CSMD1: variants seen among roughly 807,000 people sequenced by gnomAD.
The protein encoded by CSMD1 is CUB and Sushi multiple domains 1.
CSMD1 carries 213 observed loss-of-function variants against 417.5 expected under a neutral mutation model. The observed-to-expected ratio is 0.51, with a 90% confidence interval of 0.46 to 0.57. The LOEUF (loss-of-function observed/expected upper bound fraction) is 0.57. Ranked by LOEUF, CSMD1 falls within the 20% of genes least tolerant of loss-of-function variation. The pLI is 0.00. For missense variants in CSMD1, 6,923 were observed against 4,529.7 expected (o/e 1.53, Z -15.17); for synonymous variants, 2,862 against 1,736.8 (o/e 1.65, Z -16.11).
At chr8:4,102,074 G>A (rs1056171372) in intron 3 of CSMD1, among the ~76,000 whole-genome samples, 2 of 152,242 alleles carry the variant, frequency 1.3e-5, no homozygotes, top group Middle Eastern at 3.4e-3. Flanking sequence ...AGTTTTACCT[G>A]CGCTGCACTA....
chr8:3,975,656 G>C (rs1171925909), intron 5 of CSMD1, among the ~76,000 whole-genome samples: 3 of 152,120 alleles, frequency 2.0e-5, no homozygotes, highest in African/African-American at 7.2e-5. Context: ...GTGCTTAATG[G>C]TCCCGATTCA....
chr8:3,526,862 T>C (rs1797774433), intron 10 of CSMD1, among the ~76,000 whole-genome samples: 1 of 152,232 alleles, frequency 6.6e-6, no homozygotes, highest in Non-Finnish European at 1.5e-5. Context: ...AATCATCATT[T>C]TCTTTGGAGA....
At chr8:3,592,982 C>T (rs1223749693) in intron 8 of CSMD1, among the ~76,000 whole-genome samples, 8 of 152,224 alleles carry the variant, frequency 5.3e-5, no homozygotes, top group African/African-American at 9.6e-5. Flanking sequence ...GCAGGCACCC[C>T]ATCCCAAGGA....
chr8:4,840,910 T>G (rs541510940), intron 1 of CSMD1, among the ~76,000 whole-genome samples: 1 of 152,222 alleles, frequency 6.6e-6, no homozygotes, highest in African/African-American at 2.4e-5. Context: ...TCAACACCAC[T>G]ACTGTAAAGT....
intron 26 of CSMD1, among the ~76,000 whole-genome samples, chr8:3,276,991 C>A (rs1247636450): frequency 1.8e-4 from 27 of 152,144 alleles, no homozygotes; most frequent in Admixed American, 1.6e-3. Flanking sequence ...CTGGAAGTGA[C>A]AATGTGATTG....
At chr8:3,517,102 G>A in intron 10 of CSMD1, among the ~76,000 whole-genome samples, 1 of 152,192 alleles carries the variant, frequency 6.6e-6, no homozygotes, top group Middle Eastern at 3.4e-3. Flanking sequence ...GCCTTCTCAG[G>A]AGAGGAAGGA....
At chr8:3,116,982 C>T (rs940351751) in intron 42 of CSMD1, among the ~76,000 whole-genome samples, 1 of 152,000 alleles carries the variant, frequency 6.6e-6, no homozygotes, top group African/African-American at 2.4e-5. Context: ...ATTTTAAGTG[C>T]TATTTTATAT....
At chr8:4,907,679 T>G (rs1027636139) in intron 1 of CSMD1, among the ~76,000 whole-genome samples, 1 of 151,786 alleles carries the variant, frequency 6.6e-6, no homozygotes, top group African/African-American at 2.4e-5. Context: ...CCTAGTCAAC[T>G]ACTAGAGTAG....
chr8:4,901,967 A>C (rs1445945383), intron 1 of CSMD1, among the ~76,000 whole-genome samples: 1 of 152,184 alleles, frequency 6.6e-6, no homozygotes, highest in Non-Finnish European at 1.5e-5. Flanking sequence ...CAAATACCAA[A>C]GACATAATGT....
intron 1 of CSMD1, among the ~76,000 whole-genome samples, chr8:4,712,310 T>C (rs775247028): frequency 6.6e-6 from 1 of 152,230 alleles, no homozygotes. Flanking sequence ...TGTAATTTAA[T>C]GATGGTCACT....
chr8:4,602,547 A>G (rs1800646415), intron 2 of CSMD1, among the ~76,000 whole-genome samples: 1 of 152,232 alleles, frequency 6.6e-6, no homozygotes, highest in South Asian at 2.1e-4. Context: ...TGGTCATTAT[A>G]GTCATTGAGA....
intron 1 of CSMD1, among the ~76,000 whole-genome samples, chr8:4,710,606 G>T (rs1359979430): frequency 6.6e-6 from 1 of 151,210 alleles, no homozygotes; most frequent in Non-Finnish European, 1.5e-5. Flanking sequence ...AGCACTTTGG[G>T]AGACTCAGAT....
At chr8:3,010,372 G>A (rs1439501407) in intron 52 of CSMD1, among the ~76,000 whole-genome samples, 5 of 152,174 alleles carry the variant, frequency 3.3e-5, no homozygotes, top group Non-Finnish European at 7.3e-5. Flanking sequence ...TTGTGCATGT[G>A]CATCAGGACT....
chr8:4,867,677 A>T (rs1036341676), intron 1 of CSMD1, among the ~76,000 whole-genome samples: 1 of 152,260 alleles, frequency 6.6e-6, no homozygotes, highest in Non-Finnish European at 1.5e-5. Flanking sequence ...GAGAAAAGTT[A>T]TATGTTTAGA....
intron 10 of CSMD1, among the ~76,000 whole-genome samples, chr8:3,520,856 C>A (rs551313948): frequency 1.3e-5 from 2 of 152,232 alleles, no homozygotes; most frequent in South Asian, 4.1e-4. Flanking sequence ...CCAGCCTGAA[C>A]CCCACTTAGG....
Position 4,781,893 on chromosome 8 carries a change from C to T in CSMD1, c.86-144335G>A, listed in dbSNP as rs76967009. The stretch of plus-strand genomic sequence containing the variant: ...CAGGAACATGGAGTGACTTATACCA[C>T]ATACCCAGCTAGTAAATAAAAATCA... On this transcript the variant is annotated intron_variant, in intron 1 of 69. Coordinates refer to ENST00000635120, the MANE Select transcript of CSMD1 (RefSeq NM_033225.6). Among the ~76,000 whole-genome samples, 489 of 152,286 alleles carry T rather than the reference C, an allele frequency of 3.2e-3. 2 individuals carry two copies. Among genetic ancestry groups the T allele is most frequent in the African/African-American group, 7.1e-3 (296 of 41,556 alleles).
intron 26 of CSMD1, among the ~76,000 whole-genome samples, chr8:3,265,679 T>C (rs1347848398): frequency 6.6e-6 from 1 of 152,178 alleles, no homozygotes; most frequent in Non-Finnish European, 1.5e-5. Flanking sequence ...AGGATTTTAT[T>C]CTAATATAAG....
intron 45 of CSMD1, among the ~76,000 whole-genome samples, chr8:3,107,443 A>G (rs1816220158): frequency 6.6e-6 from 1 of 152,126 alleles, no homozygotes; most frequent in Non-Finnish European, 1.5e-5. Context: ...GAACTACCAA[A>G]TGTTGTAGAG....
chr8:4,734,569 G>T lies in CSMD1; in HGVS notation c.86-97011C>A, dbSNP rs150411962. Among the ~76,000 whole-genome samples the T allele has an allele frequency of 5.2e-3, 792 of 152,176 alleles. 6 individuals carry two copies. Among genetic ancestry groups the T allele is most frequent in the Non-Finnish European group, 8.9e-3 (607 of 67,998 alleles). On this transcript the variant is annotated intron_variant, in intron 1 of 69. Coordinates refer to ENST00000635120, the MANE Select transcript of CSMD1 (RefSeq NM_033225.6). Reference sequence around the variant, plus strand: ...GTAGCGAAGTATAAGTAAATGCTGGGTATTAAATTATATGCTGTTTAACAA... The same window carrying T: ...GTAGCGAAGTATAAGTAAATGCTGGTTATTAAATTATATGCTGTTTAACAA...
Sources: gnomAD v4.1 joint callset for allele counts (sites outside exome capture counted in the v4.1 genomes callset) on GRCh38, gnomAD v4.1.1 for gene constraint, MANE v1.5 for transcripts, NCBI Gene and HGNC (gene_info 2026-07-23, HGNC 2026-07-21) for gene names.